HEPH: variants seen among roughly 807,000 people sequenced by gnomAD.
HEPH encodes hephaestin.
A neutral mutation model predicts 80.8 loss-of-function variants in HEPH; 69 were observed. The ratio of observed to expected loss-of-function variants is 0.85; its 90% confidence interval spans 0.70 to 1.04. HEPH has a LOEUF of 1.04. Among genes scored for constraint, HEPH ranks in the 50% least tolerant of loss-of-function variants. HEPH has a pLI of 0.00. For synonymous variants in HEPH, 431 were observed against 322.8 expected (o/e 1.34, Z -3.60); for missense variants, 1,115 against 891.3 (o/e 1.25, Z -3.20).
At chrX:66,225,795 G>A (rs936221247) in intron 15 of HEPH, among the ~76,000 whole-genome samples, 4 of 112,726 alleles carry the variant, frequency 3.5e-5, no homozygotes, top group Non-Finnish European at 5.6e-5. Context: ...GGGCTGCCTC[G>A]ACTATCTGTT....
chrX:66,193,218 C>A (rs1328435757), intron 7 of HEPH, among the ~76,000 whole-genome samples: 2 of 110,338 alleles, frequency 1.8e-5, no homozygotes, highest in African/African-American at 6.6e-5. Flanking sequence ...AATATTCCAA[C>A]TTACACTAAA....
chrX:66,237,274 T>G (rs2090400116), intron 15 of HEPH, among the ~76,000 whole-genome samples: 1 of 111,544 alleles, frequency 9.0e-6, no homozygotes, highest in South Asian at 3.7e-4. Context: ...CTGTAAACTT[T>G]CCTTTTCCCT....
intron 15 of HEPH, among the ~76,000 whole-genome samples, chrX:66,212,745 G>A (rs989444349): frequency 2.7e-5 from 3 of 111,344 alleles, no homozygotes; most frequent in African/African-American, 9.8e-5. Context: ...GTCAGGTAAT[G>A]TAATGCCTCC....
chrX:66,256,175 G>A lies in HEPH; in HGVS notation c.2741G>A (p.Arg914Gln), dbSNP rs759445634. Residue 914 changes from arginine (R) to glutamine (Q), a missense_variant, in exon 17 of 21, where the codon CGG becomes CAG. Transcript: ENST00000343002. ...QKGILEPHGG[R>Q]SDMDREFALL... ...GGCATCCTGGAGCCCCATGGAGGAC[G>A]GAGTGACATGGATCGGGAATTTGCA... 2 of 1,209,740 alleles carry A rather than the reference G, an allele frequency of 1.7e-6. No individual in the cohort carries two copies. The highest frequency in any genetic ancestry group is 1.7e-5 in the African/African-American group (1 of 57,290).
chrX:66,264,902 T>C (rs1001358431), intron 20 of HEPH, among the ~76,000 whole-genome samples: 1 of 107,401 alleles, frequency 9.3e-6, no homozygotes, highest in Non-Finnish European at 1.9e-5. Context: ...ACTTTGTGTG[T>C]ATATTTGTAT....
chrX:66,228,214 G>A (rs1180502173), intron 15 of HEPH, among the ~76,000 whole-genome samples: 1 of 112,135 alleles, frequency 8.9e-6, no homozygotes, highest in Non-Finnish European at 1.9e-5. Flanking sequence ...ATCAGTTATT[G>A]TGAGACTTAT....
intron 15 of HEPH, among the ~76,000 whole-genome samples, chrX:66,240,345 G>T (rs2090521990): frequency 9.0e-6 from 1 of 110,804 alleles, no homozygotes; most frequent in South Asian, 3.8e-4. Context: ...TATCATCCAG[G>T]ATCTGTGGGA....
chrX:66,205,926 C>G (rs189289183), intron 13 of HEPH, among the ~76,000 whole-genome samples: 11 of 111,424 alleles, frequency 9.9e-5, no homozygotes, highest in Admixed American at 1.9e-4. Context: ...AGGGAAGGAG[C>G]AGCAGACTTG....
chrX:66,247,009 T>G (rs189861909), intron 15 of HEPH, among the ~76,000 whole-genome samples: 1 of 112,214 alleles, frequency 8.9e-6, no homozygotes, highest in Non-Finnish European at 1.9e-5. Flanking sequence ...AACTTATTTC[T>G]AACCTCCATG....
chrX:66,215,011 G>A (rs2089324867), intron 15 of HEPH, among the ~76,000 whole-genome samples: 1 of 111,367 alleles, frequency 9.0e-6, no homozygotes, highest in African/African-American at 3.3e-5. Flanking sequence ...CTCAAATACA[G>A]CTAAAATTTT....
intron 13 of HEPH, among the ~76,000 whole-genome samples, chrX:66,204,534 TCC>T (rs1373062999): frequency 8.9e-6 from 1 of 112,486 alleles, no homozygotes; most frequent in Non-Finnish European, 1.9e-5. Flanking sequence ...AAAACAAAAA[TCC>T]ATGGAATGTA....
intron 20 of HEPH, 26 bp downstream of exon 20, chrX:66,263,714 G>C (rs201354123): frequency 1.7e-6 from 2 of 1,187,959 alleles, no homozygotes; most frequent in Non-Finnish European, 2.3e-6. Flanking sequence ...CACAGACTGG[G>C]TACTTATACA....
chrX:66,241,377 A>G (rs1447170052), intron 15 of HEPH, among the ~76,000 whole-genome samples: 3 of 111,817 alleles, frequency 2.7e-5, no homozygotes, highest in Non-Finnish European at 5.7e-5. Flanking sequence ...CTCACATGCA[A>G]TGACACCCAT....
chrX:66,163,059 A>C (rs1338356473), upstream of HEPH, among the ~76,000 whole-genome samples: 2 of 111,837 alleles, frequency 1.8e-5, no homozygotes, highest in African/African-American at 6.5e-5. Context: ...TCTATGTTTA[A>C]TATCTAGACT....
chrX:66,200,992 A>T (rs932290599), intron 12 of HEPH, among the ~76,000 whole-genome samples: 4 of 111,822 alleles, frequency 3.6e-5, no homozygotes, highest in Non-Finnish European at 7.5e-5. Flanking sequence ...TTCTGGAACA[A>T]CAGAAGGGAA....
chrX:66,222,416 A>G (rs1049153423), intron 15 of HEPH, among the ~76,000 whole-genome samples: 4 of 112,677 alleles, frequency 3.5e-5, no homozygotes, highest in African/African-American at 1.3e-4. Flanking sequence ...GCACAAGCAT[A>G]ACAATTGCTT....
In HEPH at chrX:66,207,399, A is replaced by T. The variant is rs762830327; in HGVS notation, c.2431+65A>T. The T allele has an allele frequency of 6.1e-5, 54 of 878,986 alleles. No individual in the cohort carries two copies. In the African/African-American group the frequency reaches 1.1e-3, roughly 17 times the overall value. The allele number at this position is 878,986 out of a possible 1,213,427, so 72.4% of individuals were successfully genotyped here. ...GAACTCCACCTAGGGAAGCTATGTT[A>T]TACCAGGATGGCCTCACTATTCCCC... is the stretch of plus-strand genomic sequence containing the variant. On this transcript the variant is annotated intron_variant, in intron 14 of 20. Transcript: ENST00000343002.
intron 4 of HEPH, among the ~76,000 whole-genome samples, chrX:66,180,225 G>A (rs1190537227): frequency 1.8e-5 from 2 of 110,349 alleles, no homozygotes; most frequent in East Asian, 2.8e-4. Context: ...GCCTTCAAGA[G>A]GTTCCATTTT....
At chrX:66,253,062 C>T (rs2091057454) in intron 15 of HEPH, among the ~76,000 whole-genome samples, 1 of 112,155 alleles carries the variant, frequency 8.9e-6, no homozygotes, top group African/African-American at 3.2e-5. Context: ...TTCTTATATA[C>T]AACACTAAAA....
Sources: gnomAD v4.1 joint callset for allele counts (sites outside exome capture counted in the v4.1 genomes callset) on GRCh38, gnomAD v4.1.1 for gene constraint, MANE v1.5 for transcripts, NCBI Gene and HGNC (gene_info 2026-07-23, HGNC 2026-07-21) for gene names.